COMMD4: variants seen among roughly 807,000 people sequenced by gnomAD.
COMMD4 encodes the protein COMM domain-containing protein 4.
A neutral mutation model predicts 27.5 loss-of-function variants in COMMD4; 18 were observed. The observed-to-expected ratio is 0.65, with a 90% CI of 0.45 to 0.97. COMMD4 has a LOEUF of 0.97. COMMD4 is among the 50% of genes least tolerant of loss of function. The pLI, the probability that COMMD4 is intolerant of heterozygous loss-of-function variation, is 0.00. For synonymous variants in COMMD4, 108 were observed against 108.4 expected, an observed-to-expected ratio of 1.00 and a Z score of 0.02; for missense variants, 243 against 250.0, an observed-to-expected ratio of 0.97 and a Z score of 0.19.
At chr15:75,340,292 T>C, downstream of COMMD4, 1 of 451,562 alleles carries the variant, frequency 2.2e-6, no homozygotes. Context: ...GGGGGTTCTG[T>C]TTGGGTTCAG....
downstream of COMMD4, chr15:75,340,810 T>G (rs1247398126): frequency 6.9e-6 from 1 of 145,256 alleles, no homozygotes; most frequent in Non-Finnish European, 1.5e-5. Flanking sequence ...CTAATTTTGT[T>G]TTTTTTTTTT....
intron 6 of COMMD4, 34 bp from the exon 7 acceptor site, chr15:75,339,667 CT>C (rs2071374689): frequency 1.3e-6 from 2 of 1,551,516 alleles, no homozygotes; most frequent in East Asian, 4.5e-5. Context: ...GGCTTGCCTG[CT>C]TTGATCCTGA....
intron 4 of COMMD4, 138 bp downstream of exon 4, chr15:75,338,823 G>C (rs1252863031): frequency 1.4e-6 from 2 of 1,423,264 alleles, no homozygotes; most frequent in Non-Finnish European, 2.0e-6. Context: ...GGGAAAGAAA[G>C]ACCGACAGTC....
rs921130738 is a variant in COMMD4 at position 75,340,210 on chromosome 15, T to A, written c.*205T>A. 2 of 586,248 alleles carry A rather than the reference T, an allele frequency of 3.4e-6. No individual in the cohort carries two copies. The highest frequency in any genetic ancestry group is 3.0e-5 in the Admixed American group (1 of 33,598). The allele number at this position is 586,248 out of a possible 1,614,324, so 36.3% of individuals were successfully genotyped here. Reference sequence around the variant, plus strand: ...GACCTTTCCCAGCATTACCTTCCCTTCCCTTGAAAGGCAATTGTTGGCTGT... The same window carrying A: ...GACCTTTCCCAGCATTACCTTCCCTACCCTTGAAAGGCAATTGTTGGCTGT... On this transcript the variant is annotated 3_prime_UTR_variant, in exon 8 of 8. Coordinates refer to ENST00000267935, the MANE Select transcript of COMMD4 (RefSeq NM_017828.5).
intron 1 of COMMD4, 89 bp downstream of exon 1, chr15:75,336,181 C>G (rs1355794344): frequency 3.9e-6 from 6 of 1,549,276 alleles, no homozygotes; most frequent in Non-Finnish European, 4.4e-6. Flanking sequence ...GGAGGTTGTA[C>G]TGGCCTCTCC....
downstream of COMMD4, chr15:75,340,862 G>C (rs1327165893): frequency 6.6e-6 from 1 of 150,686 alleles, no homozygotes; most frequent in Non-Finnish European, 1.5e-5. Context: ...GGTCAGGCTG[G>C]TCTCGAACTC....
Position 75,338,676 on chromosome 15 carries a change from GC to G in COMMD4, c.174del (p.Lys59SerfsTer7). 6.2e-7 allele frequency: 1 copy of G among 1,613,722 alleles called. No homozygotes were observed. The highest frequency in any genetic ancestry group is 8.5e-7 in the Non-Finnish European group (1 of 1,179,838). On this transcript the variant is annotated frameshift_variant, in exon 4 of 8. Transcript: ENST00000267935. LOFTEE classifies it high-confidence loss of function. ...GAAGATCCTGAAGCTCACGGCTGAC[GC>G]CAAGTTTGGTGAGTATCCCGCTGAG... ...YEKILKLTAD[A>X]KFESGDVKAT...
In COMMD4 at chr15:75,339,877, A is replaced by T; in HGVS notation, c.558A>T (p.Ala186=). Residue 186 remains alanine, a splice_region_variant and synonymous_variant, in exon 7 of 8, where the codon GCA becomes GCT. Coordinates refer to ENST00000267935, the MANE Select transcript of COMMD4 (RefSeq NM_017828.5). ...LSADKFQVLL[A]ELKQAQTLMS... ...CAGACAAGTTCCAGGTCCTCCTGGC[A>T]GGTGAGGCTCAGCTATTCCTCGACG... The T allele has an allele frequency of 6.2e-7, 1 of 1,612,916 alleles. No individual in the cohort carries two copies. The highest frequency in any genetic ancestry group is 8.5e-7 in the Non-Finnish European group (1 of 1,179,082).
At chr15:75,337,008 C>T (rs1461116273) in intron 1 of COMMD4, 5 of 152,232 alleles carry the variant, frequency 3.3e-5, no homozygotes, top group Non-Finnish European at 2.9e-5. Flanking sequence ...ATCTTCCTGG[C>T]TCTTGGATCA....
At chr15:75,337,804 C>T (rs1193562853) in intron 1 of COMMD4, 3 of 534,560 alleles carry the variant, frequency 5.6e-6, no homozygotes, top group African/African-American at 3.8e-5. Context: ...TGGGAGCTAG[C>T]ACAGAGAAGG....
At chr15:75,338,028 C>G in intron 1 of COMMD4, 34 bp from the exon 2 acceptor site, 1 of 1,563,488 alleles carries the variant, frequency 6.4e-7, no homozygotes, top group Non-Finnish European at 8.7e-7. Flanking sequence ...TCAGGCCTCC[C>G]TCCAGCCTGA....
chr15:75,336,484 AATCAG>A (rs2071194781), intron 1 of COMMD4: 1 of 499,590 alleles, frequency 2.0e-6, no homozygotes, highest in Non-Finnish European at 3.5e-6. Flanking sequence ...AGGTGCTTAG[AATCAG>A]GCTCACTCTT....
downstream of COMMD4, chr15:75,341,367 G>T (rs555059969): frequency 7.2e-5 from 11 of 152,372 alleles, no homozygotes; most frequent in African/African-American, 2.4e-4. Flanking sequence ...CTCGCCTGGA[G>T]TATCTTAAGG....
downstream of COMMD4, chr15:75,340,808 G>GTTTTTTTT (rs201776080): frequency 8.8e-6 from 1 of 113,384 alleles, no homozygotes. Context: ...GGCTAATTTT[G>GTTTTTTTT]TTTTTTTTTT....
intron 3 of COMMD4, 101 bp downstream of exon 3, chr15:75,338,521 A>T (rs1214179689): frequency 6.4e-7 from 1 of 1,569,770 alleles, no homozygotes; most frequent in Non-Finnish European, 8.7e-7. Flanking sequence ...CCAGCCTCTC[A>T]ACCTCTCTGG....
At chr15:75,339,918 C>G in intron 7 of COMMD4, 40 bp downstream of exon 7, 1 of 1,614,032 alleles carries the variant, frequency 6.2e-7, no homozygotes, top group Non-Finnish European at 8.5e-7. Flanking sequence ...GAGGCTCTCC[C>G]AGATCCGCCT....
At position 75,338,119 on chromosome 15, in the gene COMMD4, A is replaced by G; in HGVS notation, c.61A>G (p.Thr21Ala). 2 of 1,605,732 alleles carry G rather than the reference A, an allele frequency of 1.2e-6. No individual in the cohort carries two copies. The highest frequency in any genetic ancestry group is 1.7e-6 in the Non-Finnish European group (2 of 1,175,976). ...CGACTGGGTCCTGGCAGAAATCAGCACGCTGGCCAAGATGGTTGAGTGCAC... is the reference window on the plus strand; with the variant it reads ...CGACTGGGTCCTGGCAGAAATCAGCGCGCTGGCCAAGATGGTTGAGTGCAC... Reference protein sequence around the residue: ...CPDWVLAEISTLAKMSSVKLR... With the variant: ...CPDWVLAEISALAKMSSVKLR... Residue 21 changes from threonine (T) to alanine (A), a missense_variant, in exon 2 of 8, where the codon ACG becomes GCG. Physicochemically the swap from Thr to Ala is moderately conservative, Grantham distance 58 (BLOSUM62 0). Coordinates refer to ENST00000267935, the MANE Select transcript of COMMD4 (RefSeq NM_017828.5).
chr15:75,338,654 G>C lies in COMMD4; in HGVS notation c.150G>C (p.Lys50Asn). The change falls in exon 4 of 8, where the codon AAG becomes AAC. Residue 50 changes from lysine (K) to asparagine (N), a missense_variant. Coordinates refer to ENST00000267935, the MANE Select transcript of COMMD4 (RefSeq NM_017828.5). ...GTCTCCTTTCCCCATAGTATGAGAAGATCCTGAAGCTCACGGCTGACGCCA... is the reference window on the plus strand; with the variant it reads ...GTCTCCTTTCCCCATAGTATGAGAACATCCTGAAGCTCACGGCTGACGCCA... ...ELLGQGIDYE[K>N]ILKLTADAKF... 2 of 1,614,014 alleles carry C rather than the reference G, an allele frequency of 1.2e-6. No homozygotes were observed. Among genetic ancestry groups the C allele is most frequent in the Non-Finnish European group, 1.7e-6 (2 of 1,179,964 alleles).
rs370878867 is a variant in COMMD4 at position 75,338,644 on chromosome 15, A to G, written c.142-2A>G. The G allele has an allele frequency of 6.2e-7, 1 of 1,613,874 alleles. No homozygotes were observed. Among genetic ancestry groups the G allele is most frequent in the East Asian group, 2.2e-5 (1 of 44,868 alleles). On this transcript the variant is annotated splice_acceptor_variant, in intron 3 of 7. Coordinates refer to ENST00000267935, the MANE Select transcript of COMMD4 (RefSeq NM_017828.5). LOFTEE classifies it high-confidence loss of function. ...CCCCCTGAAGGTCTCCTTTCCCCATAGTATGAGAAGATCCTGAAGCTCACG... is the reference window on the plus strand; with the variant it reads ...CCCCCTGAAGGTCTCCTTTCCCCATGGTATGAGAAGATCCTGAAGCTCACG...
Sources: gnomAD v4.1 joint callset for allele counts on GRCh38, gnomAD v4.1.1 for gene constraint, MANE v1.5 for transcripts, NCBI Gene and HGNC (gene_info 2026-07-23, HGNC 2026-07-21) for gene names.